Variants in SPHKAP observed in about 807,000 individuals in gnomAD.
SPHKAP encodes the protein A-kinase anchor protein SPHKAP.
Under a neutral mutation model 137.5 loss-of-function variants are expected in SPHKAP, and 67 were observed. The observed-to-expected ratio is 0.49, with a 90% CI of 0.40 to 0.60. The LOEUF is 0.60. Among genes scored for constraint, SPHKAP ranks in the 20% least tolerant of loss-of-function variants. SPHKAP has a pLI of 0.00. For synonymous variants in SPHKAP, 813 were observed against 785.3 expected (o/e 1.04, Z -0.59); for missense variants, 2,097 against 2,069.3 (o/e 1.01, Z -0.26).
intron 3 of SPHKAP, among the ~76,000 whole-genome samples, chr2:228,041,680 G>A (rs2106259105): frequency 6.7e-6 from 1 of 150,238 alleles, no homozygotes; most frequent in South Asian, 2.1e-4. Context: ...AAAGAAAACA[G>A]TTCTACATTC....
intron 3 of SPHKAP, among the ~76,000 whole-genome samples, chr2:228,058,823 A>C (rs1696538221): frequency 1.3e-5 from 2 of 152,214 alleles, no homozygotes; most frequent in South Asian, 4.1e-4. Context: ...CATGTAGCAT[A>C]GCTCACCTTT....
chr2:227,995,390 C>G, intron 8 of SPHKAP, 119 bp downstream of exon 8: 1 of 1,283,422 alleles, frequency 7.8e-7, no homozygotes. Context: ...GGGAACTTTC[C>G]TTTTTTTGTT....
chr2:227,982,051 A>ATTTT (rs3082640), intron 11 of SPHKAP, 191 bp from the exon 12 acceptor site: 4 of 860,744 alleles, frequency 4.6e-6, no homozygotes, highest in African/African-American at 3.8e-5. Context: ...CATCAAGTGA[A>ATTTT]TTTTTTTTTT....
chr2:228,102,830 AC>A (rs1420305299), intron 3 of SPHKAP, among the ~76,000 whole-genome samples: 2 of 151,980 alleles, frequency 1.3e-5, no homozygotes, highest in South Asian at 4.2e-4. Flanking sequence ...GCTGCCTCGA[AC>A]TCCTGGCCTC....
intron 3 of SPHKAP, among the ~76,000 whole-genome samples, chr2:228,079,677 G>T (rs919744762): frequency 1.3e-5 from 2 of 152,180 alleles, no homozygotes; most frequent in East Asian, 1.9e-4. Flanking sequence ...CCAGCTCCAG[G>T]TCAGCCCCTG....
chr2:228,020,181 C>T (rs756414033), intron 6 of SPHKAP, 25 bp from the exon 7 acceptor site: 6 of 1,549,200 alleles, frequency 3.9e-6, no homozygotes, highest in Non-Finnish European at 5.2e-6. Flanking sequence ...ATGAGGGGCA[C>T]TATTACTTTT....
intron 3 of SPHKAP, 57 bp downstream of exon 3, chr2:228,108,775 A>C (rs1698420167): frequency 8.2e-7 from 1 of 1,223,134 alleles, no homozygotes; most frequent in Non-Finnish European, 1.2e-6. Flanking sequence ...AAACATGGGT[A>C]CATGTGCCCG....
chr2:228,123,872 A>T lies in SPHKAP; in HGVS notation c.138+8108T>A, dbSNP rs558677540. On this transcript the variant is annotated intron_variant, in intron 2 of 11. Transcript: ENST00000392056. ...AATATCCAGAATTTACAGAGAACTC[A>T]AACAAATTTACAAGAAAAAAATGAA... Among the ~76,000 whole-genome samples the T allele has an allele frequency of 1.1e-3, 161 of 152,330 alleles. 1 individual carries two copies. The highest frequency in any genetic ancestry group is 3.6e-3 in the African/African-American group (149 of 41,596).
At chr2:227,995,926 C>A (rs1189492295) in intron 7 of SPHKAP, 9 of 982,118 alleles carry the variant, frequency 9.2e-6, no homozygotes, top group Non-Finnish European at 1.1e-5. Flanking sequence ...CTGACTCCCT[C>A]CAATCATTTG....
intron 3 of SPHKAP, among the ~76,000 whole-genome samples, chr2:228,039,474 A>G (rs533361589): frequency 6.6e-6 from 1 of 152,348 alleles, no homozygotes; most frequent in Admixed American, 6.5e-5. Context: ...TAGCCAAGTA[A>G]TCACAGTGAT....
chr2:228,156,150 A>T (rs1700101298), intron 1 of SPHKAP, among the ~76,000 whole-genome samples: 1 of 152,208 alleles, frequency 6.6e-6, no homozygotes, highest in Non-Finnish European at 1.5e-5. Flanking sequence ...TAGTGTTTAC[A>T]TGATAATTGC....
At chr2:228,068,895 G>A (rs1279614694) in intron 3 of SPHKAP, among the ~76,000 whole-genome samples, 4 of 152,126 alleles carry the variant, frequency 2.6e-5, no homozygotes, top group African/African-American at 4.8e-5. Context: ...ATTCACTTTC[G>A]AGTGGTGAGT....
chr2:228,140,729 A>G (rs1044848356), intron 1 of SPHKAP, among the ~76,000 whole-genome samples: 11 of 152,210 alleles, frequency 7.2e-5, no homozygotes, highest in South Asian at 2.1e-4. Flanking sequence ...ATGGCTTAGC[A>G]CCGTCTCCTT....
chr2:228,113,793 C>T (rs749482953), intron 2 of SPHKAP, among the ~76,000 whole-genome samples: 1 of 152,062 alleles, frequency 6.6e-6, no homozygotes, highest in Non-Finnish European at 1.5e-5. Flanking sequence ...ATACCAAATA[C>T]CATGTAAGTC....
At chr2:227,988,400 C>A (rs1445764530) in intron 11 of SPHKAP, among the ~76,000 whole-genome samples, 1 of 152,102 alleles carries the variant, frequency 6.6e-6, no homozygotes, top group Non-Finnish European at 1.5e-5. Context: ...TGTCTATTTT[C>A]TCAGAAAAAT....
intron 11 of SPHKAP, 101 bp from the exon 12 acceptor site, chr2:227,981,961 T>G (rs767079899): frequency 2.8e-5 from 40 of 1,440,842 alleles, no homozygotes; most frequent in Non-Finnish European, 3.6e-5. Context: ...CAGTCTCTGT[T>G]TAAATGTCTC....
intron 3 of SPHKAP, among the ~76,000 whole-genome samples, chr2:228,098,640 A>G (rs1698080447): frequency 6.6e-6 from 1 of 152,118 alleles, no homozygotes; most frequent in African/African-American, 2.4e-5. Context: ...GAGGGATAGC[A>G]TTAGGAGATA....
At chr2:228,133,239 G>A (rs533289788) in intron 1 of SPHKAP, among the ~76,000 whole-genome samples, 3 of 152,090 alleles carry the variant, frequency 2.0e-5, no homozygotes, top group East Asian at 3.9e-4. Flanking sequence ...CCCAGGAGGT[G>A]GAGGTTGCAG....
At chr2:228,168,005 T>A (rs1299008701) in intron 1 of SPHKAP, among the ~76,000 whole-genome samples, 1 of 152,154 alleles carries the variant, frequency 6.6e-6, no homozygotes, top group African/African-American at 2.4e-5. Context: ...TTAAAATGTA[T>A]ATGTAATATT....
Sources: allele counts gnomAD v4.1 joint callset (sites outside exome capture counted in the v4.1 genomes callset), GRCh38; gene constraint gnomAD v4.1.1; transcripts MANE v1.5; gene names NCBI Gene and HGNC (gene_info 2026-07-23, HGNC 2026-07-21).